LRCH2: variants seen among roughly 807,000 people sequenced by gnomAD.
The protein encoded by LRCH2 is leucine-rich repeat and calponin homology domain-containing protein 2.
Under a neutral mutation model 68.9 loss-of-function variants are expected in LRCH2, and 38 were observed. The ratio of observed to expected loss-of-function variants is 0.55; its 90% CI spans 0.43 to 0.72. The LOEUF is 0.72. Ranked by LOEUF, LRCH2 falls within the 30% of genes least tolerant of loss-of-function variation. LRCH2 has a pLI of 0.00. For synonymous variants in LRCH2, 191 were observed against 208.1 expected (o/e 0.92, Z 0.71); for missense variants, 528 against 572.9 (o/e 0.92, Z 0.80).
intron 1 of LRCH2, among the ~76,000 whole-genome samples, chrX:115,213,465 C>A (rs1412768516): frequency 9.0e-6 from 1 of 111,583 alleles, no homozygotes; most frequent in Non-Finnish European, 1.9e-5. Flanking sequence ...CCTTTATCAT[C>A]CATTTGACAA....
chrX:115,157,130 T>G, intron 11 of LRCH2, among the ~76,000 whole-genome samples: 1 of 111,192 alleles, frequency 9.0e-6, no homozygotes. Flanking sequence ...TCTTAAACTT[T>G]TAATAACTAA....
At position 115,165,647 on chromosome X, in the gene LRCH2, C is replaced by A. The variant is rs2072553218; in HGVS notation, c.1207G>T (p.Val403Leu). Residue 403 changes from valine to leucine, a missense_variant, in exon 9 of 21, where the codon GTA (valine) becomes TTA (leucine). By Grantham distance (32) the Val-to-Leu change is conservative. Transcript: ENST00000317135. ...SKTDSQKDQE[V>L]YDFVDPNTED... ...GTGTTGGGGTCAACAAAATCATATA[C>A]CTCCTGGTCTAGGTACAGATTAATA... The A allele has an allele frequency of 3.5e-6, 4 of 1,146,426 alleles. No individual in the cohort carries two copies. Among genetic ancestry groups the A allele is most frequent in the South Asian group, 2.0e-5 (1 of 51,185 alleles). 94.5% of individuals were successfully genotyped at this position (1,146,426 alleles called of 1,213,427 possible).
At chrX:115,131,258 C>G (rs958629873) in intron 14 of LRCH2, among the ~76,000 whole-genome samples, 16 of 101,359 alleles carry the variant, frequency 1.6e-4, no homozygotes, top group South Asian at 4.8e-4. Context: ...CCTCCCCCCC[C>G]CTCCACACCA....
intron 6 of LRCH2, among the ~76,000 whole-genome samples, chrX:115,167,191 TAAA>T (rs58298502): frequency 7.1e-4 from 6 of 8,393 alleles, no homozygotes; most frequent in Non-Finnish European, 1.1e-3. Context: ...AGTTTCATGC[TAAA>T]AAAAAAAAAA....
chrX:115,117,983 A>T (rs1027760751), intron 20 of LRCH2, among the ~76,000 whole-genome samples: 5 of 110,852 alleles, frequency 4.5e-5, no homozygotes, highest in African/African-American at 1.6e-4. Flanking sequence ...AAACAAAGAA[A>T]ATTAATTTAA....
intron 14 of LRCH2, among the ~76,000 whole-genome samples, chrX:115,147,736 T>C (rs781873705): frequency 5.4e-5 from 6 of 111,414 alleles, no homozygotes; most frequent in South Asian, 3.8e-4. Flanking sequence ...TCTTGAGAAG[T>C]CCACTCAAGT....
chrX:115,175,077 G>C (rs1280058148), intron 5 of LRCH2, among the ~76,000 whole-genome samples: 1 of 112,171 alleles, frequency 8.9e-6, no homozygotes, highest in Non-Finnish European at 1.9e-5. Flanking sequence ...AAAAGGACAG[G>C]GTTCGGAAAG....
chrX:115,182,176 A>C (rs151041266), intron 3 of LRCH2, among the ~76,000 whole-genome samples: 1,752 of 111,898 alleles, frequency 0.016, 13 homozygotes, highest in Non-Finnish European at 0.02. Flanking sequence ...TACTAGAATT[A>C]ATATAAAACT....
intron 1 of LRCH2, among the ~76,000 whole-genome samples, chrX:115,211,763 C>T (rs1466350049): frequency 2.7e-5 from 3 of 111,021 alleles, no homozygotes; most frequent in African/African-American, 9.8e-5. Context: ...ATCCACACAC[C>T]CCCCCAAGAT....
chrX:115,223,643 C>T (rs1371999411), intron 1 of LRCH2, among the ~76,000 whole-genome samples: 2 of 110,044 alleles, frequency 1.8e-5, no homozygotes, highest in Non-Finnish European at 3.8e-5. Context: ...ACGCTGGGCA[C>T]GGTGGCTCAC....
At chrX:115,172,656 T>A (rs2072612905) in intron 5 of LRCH2, among the ~76,000 whole-genome samples, 2 of 111,399 alleles carry the variant, frequency 1.8e-5, no homozygotes, top group South Asian at 7.5e-4. Context: ...TTTGAAAAAT[T>A]TTCTATATGC....
At chrX:115,150,250 G>GT (rs1208742140) in intron 12 of LRCH2, among the ~76,000 whole-genome samples, 180 bp from the exon 13 acceptor site, 3 of 110,932 alleles carry the variant, frequency 2.7e-5, no homozygotes, top group Non-Finnish European at 5.7e-5. Flanking sequence ...TCTAAAACCT[G>GT]TTGCTCTACA....
rs183947981 is a variant in LRCH2 at position 115,219,547 on chromosome X, G to A, written c.349+14146C>T. Reference sequence around the variant, plus strand: ...GTTTATTACTAACACAGGCAGAGAAGGCATGATCAGTATGGTATCAGCTCC... The same window carrying A: ...GTTTATTACTAACACAGGCAGAGAAAGCATGATCAGTATGGTATCAGCTCC... On this transcript the variant is annotated intron_variant, in intron 1 of 20. Transcript: ENST00000317135. Among the ~76,000 whole-genome samples the A allele has an allele frequency of 3.4e-3, 380 of 111,603 alleles. 14 individuals are homozygous for A. The highest frequency in any genetic ancestry group is 4.6e-3 in the Middle Eastern group (1 of 218).
intron 1 of LRCH2, among the ~76,000 whole-genome samples, chrX:115,229,371 C>T (rs1052024345): frequency 7.2e-5 from 8 of 111,059 alleles, no homozygotes; most frequent in Non-Finnish European, 1.3e-4. Flanking sequence ...TCAACCACAA[C>T]GAGCAATTAC....
chrX:115,140,069 TG>T (rs2072323295), intron 14 of LRCH2, among the ~76,000 whole-genome samples: 1 of 110,882 alleles, frequency 9.0e-6, no homozygotes, highest in Admixed American at 9.6e-5. Context: ...CCCCAGACAG[TG>T]CAGCTCGCAG....
chrX:115,145,729 C>A (rs2072376617), intron 14 of LRCH2, among the ~76,000 whole-genome samples: 1 of 111,737 alleles, frequency 8.9e-6, no homozygotes, highest in Admixed American at 9.5e-5. Context: ...CAAATCAAAA[C>A]TACAATGATG....
chrX:115,117,283 T>C (rs1430604871), intron 20 of LRCH2, among the ~76,000 whole-genome samples: 2 of 111,582 alleles, frequency 1.8e-5, no homozygotes, highest in African/African-American at 3.2e-5. Context: ...TTTTAGAAGA[T>C]TGATCATACT....
chrX:115,144,275 T>C (rs1556535314), intron 14 of LRCH2, among the ~76,000 whole-genome samples: 1 of 111,668 alleles, frequency 9.0e-6, no homozygotes, highest in East Asian at 2.8e-4. Context: ...GTCTCAGGTA[T>C]GTCTTTATCA....
intron 17 of LRCH2, 47 bp from the exon 18 acceptor site, chrX:115,123,239 G>T: frequency 2.0e-6 from 2 of 986,710 alleles, no homozygotes; most frequent in Non-Finnish European, 2.8e-6. Flanking sequence ...TAATGGGAAG[G>T]AGCAACTATT....
Sources: allele counts gnomAD v4.1 joint callset (sites outside exome capture counted in the v4.1 genomes callset), GRCh38; gene constraint gnomAD v4.1.1; transcripts MANE v1.5; gene names NCBI Gene and HGNC (gene_info 2026-07-23, HGNC 2026-07-21).